TAMM41: variants seen among roughly 807,000 people sequenced by gnomAD.
The protein encoded by TAMM41 is TAM41 mitochondrial translocator assembly and maintenance homolog, also known as phosphatidate cytidylyltransferase, mitochondrial.
A neutral mutation model predicts 44.1 loss-of-function variants in TAMM41; 36 were observed. The ratio of observed to expected loss-of-function variants is 0.82; its 90% CI spans 0.63 to 1.08. TAMM41 has a LOEUF of 1.08. Ranked by LOEUF, TAMM41 falls within the 50% of genes least tolerant of loss-of-function variation. The probability of loss-of-function intolerance (pLI) is 0.00; values close to 1 mark genes in which losing one functional copy is unlikely to be tolerated. For synonymous variants in TAMM41, 164 were observed against 153.1 expected, an observed-to-expected ratio of 1.07 and a Z score of -0.53; for missense variants, 417 against 404.3, an observed-to-expected ratio of 1.03 and a Z score of -0.27.
At chr3:11,793,437 T>C (rs996764259) in intron 7 of TAMM41, among the ~76,000 whole-genome samples, 3 of 152,236 alleles carry the variant, frequency 2.0e-5, no homozygotes, top group African/African-American at 7.2e-5. Context: ...TAGCAGTTTC[T>C]ACTAAAGCTG....
chr3:11,763,599 G>T, the TAMM41 span, among the ~76,000 whole-genome samples: 9 of 152,172 alleles, frequency 5.9e-5, no homozygotes, highest in African/African-American at 2.2e-4. Context: ...GTGATCCTGG[G>T]TTATCTATAA....
chr3:11,747,377 T>C, the TAMM41 span, among the ~76,000 whole-genome samples: 2 of 152,178 alleles, frequency 1.3e-5, no homozygotes, highest in Admixed American at 1.3e-4. Context: ...GATGGAACTT[T>C]CTAGACTGGT....
At chr3:11,746,301 CAA>C in the TAMM41 span, among the ~76,000 whole-genome samples, 101 of 115,848 alleles carry the variant, frequency 8.7e-4, no homozygotes, top group African/African-American at 2.8e-3. Flanking sequence ...GAGACTCTCT[CAA>C]AAAAAAAAAA....
chr3:11,744,102 G>A, the TAMM41 span, among the ~76,000 whole-genome samples: 2 of 151,974 alleles, frequency 1.3e-5, no homozygotes, highest in Non-Finnish European at 2.9e-5. Flanking sequence ...AGTTTTTGCT[G>A]TATTGCCCAG....
At chr3:11,808,565 G>A (rs1381263151) in intron 6 of TAMM41, 2 of 985,344 alleles carry the variant, frequency 2.0e-6, no homozygotes, top group Non-Finnish European at 1.2e-6. Flanking sequence ...GGCACGCGGA[G>A]GAGCTCAGTA....
intron 7 of TAMM41, among the ~76,000 whole-genome samples, chr3:11,797,729 T>A (rs1328424426): frequency 6.6e-6 from 1 of 151,696 alleles, no homozygotes; most frequent in Non-Finnish European, 1.5e-5. Context: ...TGGGAGAAAA[T>A]TTTGCAAACT....
chr3:11,767,954 A>C, the TAMM41 span, among the ~76,000 whole-genome samples: 4 of 150,952 alleles, frequency 2.6e-5, no homozygotes, highest in Admixed American at 1.3e-4. Flanking sequence ...TTTTGATTAT[A>C]GATCAAAATG....
the TAMM41 span, among the ~76,000 whole-genome samples, chr3:11,783,258 G>C: frequency 1.3e-5 from 2 of 150,826 alleles, no homozygotes; most frequent in African/African-American, 4.9e-5. Context: ...TTTTTCTCCA[G>C]TCTCCCAGGG....
the TAMM41 span, among the ~76,000 whole-genome samples, chr3:11,782,755 T>C: frequency 6.6e-6 from 1 of 152,230 alleles, no homozygotes; most frequent in Non-Finnish European, 1.5e-5. Flanking sequence ...TTTACTCCTT[T>C]ATTCCTCCCC....
chr3:11,747,883 T>TA, the TAMM41 span, among the ~76,000 whole-genome samples: 2 of 139,832 alleles, frequency 1.4e-5, no homozygotes, highest in South Asian at 2.3e-4. Flanking sequence ...ATTTATTTAT[T>TA]TTTTTTTTTG....
chr3:11,743,393 G>C, the TAMM41 span, among the ~76,000 whole-genome samples: 1 of 149,598 alleles, frequency 6.7e-6, no homozygotes, highest in Admixed American at 6.7e-5. Flanking sequence ...GAGTGCAGTC[G>C]CACAATCTTA....
chr3:11,812,592 T>C (rs2078123722), intron 5 of TAMM41, among the ~76,000 whole-genome samples: 1 of 152,156 alleles, frequency 6.6e-6, no homozygotes, highest in Non-Finnish European at 1.5e-5. Context: ...AGAGAAGGGA[T>C]GCTTCTACCA....
chr3:11,811,485 G>A (rs912781533), intron 5 of TAMM41: 3 of 152,118 alleles, frequency 2.0e-5, no homozygotes, highest in East Asian at 1.9e-4. Flanking sequence ...GGAAAATAAT[G>A]CACTGGAATT....
chr3:11,834,100 T>C (rs1163876151), intron 3 of TAMM41, among the ~76,000 whole-genome samples: 1 of 152,006 alleles, frequency 6.6e-6, no homozygotes, highest in Non-Finnish European at 1.5e-5. Flanking sequence ...AAAAATTAGC[T>C]GGGCATGGTG....
At chr3:11,785,974 A>G (rs577070111), downstream of TAMM41, among the ~76,000 whole-genome samples, 11 of 152,328 alleles carry the variant, frequency 7.2e-5, no homozygotes, top group East Asian at 1.7e-3. Flanking sequence ...TGGCAAAGGC[A>G]TAAGTTTTCA....
At chr3:11,838,140 G>T (rs925926802) in intron 3 of TAMM41, among the ~76,000 whole-genome samples, 1 of 152,196 alleles carries the variant, frequency 6.6e-6, no homozygotes, top group African/African-American at 2.4e-5. Context: ...CACTTGAAAG[G>T]GATGGGGGCT....
At chr3:11,807,459 A>G in intron 7 of TAMM41, 1 of 1,536,146 alleles carries the variant, frequency 6.5e-7, no homozygotes, top group Non-Finnish European at 8.7e-7. Context: ...CCACTAAGAC[A>G]GATGGAAGCA....
At chr3:11,783,021 A>G in the TAMM41 span, among the ~76,000 whole-genome samples, 767 of 152,302 alleles carry the variant, frequency 5.0e-3, 10 homozygotes, top group African/African-American at 0.017. Context: ...GGAGCTGCAG[A>G]CCAGGCCTCT....
chr3:11,744,217 A>C, the TAMM41 span, among the ~76,000 whole-genome samples: 3 of 151,960 alleles, frequency 2.0e-5, no homozygotes, highest in Admixed American at 6.6e-5. Flanking sequence ...ATAGGTGCCC[A>C]CCACCATGCC....
Sources: allele counts gnomAD v4.1 joint callset (sites outside exome capture counted in the v4.1 genomes callset), GRCh38; gene constraint gnomAD v4.1.1; transcripts MANE v1.5; gene names NCBI Gene and HGNC (gene_info 2026-07-23, HGNC 2026-07-21).